The following UPP1 variants were observed in gnomAD, a reference collection of about 807,000 sequenced individuals.
The protein encoded by UPP1 is UPase 1.
In UPP1, 25 loss-of-function variants were observed where a neutral mutation model predicts 29.6. That is an observed-to-expected ratio of 0.85 (90% CI 0.62 to 1.18). UPP1 has a LOEUF of 1.18. UPP1 is among the 50% of genes most tolerant of loss of function. The pLI is 0.00. For missense variants in UPP1, 368 were observed against 410.4 expected (o/e 0.90, Z 0.89); for synonymous variants, 165 against 159.8 (o/e 1.03, Z -0.25).
intron 7 of UPP1, 62 bp downstream of exon 7, chr7:48,107,144 C>G (rs984438992): frequency 6.3e-7 from 1 of 1,579,312 alleles, no homozygotes; most frequent in African/African-American, 1.3e-5. Flanking sequence ...TCCCCTGAGC[C>G]TGCCTTCTCG....
intron 2 of UPP1, among the ~76,000 whole-genome samples, chr7:48,093,020 A>G (rs1014723403): frequency 6.6e-6 from 1 of 152,122 alleles, no homozygotes; most frequent in African/African-American, 2.4e-5. Flanking sequence ...TTCTAAAAAA[A>G]TGAAGAATAA....
Position 48,108,597 on chromosome 7 carries a change from A to G in UPP1, c.*240A>G, listed in dbSNP as rs1792901188. On this transcript the variant is annotated 3_prime_UTR_variant, in exon 9 of 9. Coordinates refer to ENST00000395564, the MANE Select transcript of UPP1 (RefSeq NM_003364.4). ...GGGGTTTCTTCAAGAACATTCTACC[A>G]AATTTTTGTACTATTTCTAGGGAAA... The G allele has an allele frequency of 2.5e-6, 1 of 392,912 alleles. No homozygotes were observed. The highest frequency in any genetic ancestry group is 2.1e-5 in the African/African-American group (1 of 48,528). The allele number at this position is 392,912 out of a possible 1,614,324, so 24.3% of individuals were successfully genotyped here.
chr7:48,101,799 G>T, intron 4 of UPP1, 25 bp from the exon 5 acceptor site: 1 of 1,610,490 alleles, frequency 6.2e-7, no homozygotes, highest in East Asian at 2.2e-5. Context: ...GTGCACTAAT[G>T]GGGGTCTCTC....
chr7:48,100,672 G>A (rs1792371589), intron 4 of UPP1, among the ~76,000 whole-genome samples: 1 of 152,108 alleles, frequency 6.6e-6, no homozygotes, highest in African/African-American at 2.4e-5. Flanking sequence ...ATACCAGGAC[G>A]CTAGAATCCA....
At position 48,106,883 on chromosome 7, in the gene UPP1, C is replaced by G. The variant is rs116051904; in HGVS notation, c.447C>G (p.Pro149=). 2.5e-6 allele frequency: 4 copies of G among 1,613,672 alleles called. No homozygotes were observed. In the South Asian group the frequency reaches 4.4e-5, roughly 18 times the overall value. Residue 149 remains proline (P), a synonymous_variant, in exon 7 of 9, where the codon CCC becomes CCG. Transcript: ENST00000395564. ...IGTSGGIGLE[P]GTVVITEQAV... ...TGCTTTTTTCCTCAGGTCTGGAGCCCGGCACTGTGGTCATAACAGAGCAGG... is the reference window on the plus strand; with the variant it reads ...TGCTTTTTTCCTCAGGTCTGGAGCCGGGCACTGTGGTCATAACAGAGCAGG...
chr7:48,103,202 G>C, intron 5 of UPP1, 95 bp from the exon 6 acceptor site: 1 of 861,044 alleles, frequency 1.2e-6, no homozygotes, highest in Admixed American at 1.9e-5. Flanking sequence ...ATGTCAATGG[G>C]CATGTTAGAT....
rs771189718 is a variant in UPP1 at position 48,108,313 on chromosome 7, C to T, written c.889C>T (p.Arg297Trp). ...CAGCGAGTACCAGCAGAGGCCGCAG[C>T]GGCTGGTGAGCTACTTCATCAAGAA... ...VLSEYQQRPQRLVSYFIKKKL... is the reference protein window; with the variant it reads ...VLSEYQQRPQWLVSYFIKKKL... The change falls in exon 9 of 9, where the codon CGG becomes TGG. Residue 297 changes from arginine to tryptophan, a missense_variant. Transcript: ENST00000395564. The T allele has an allele frequency of 6.1e-5, 99 of 1,613,976 alleles. No homozygotes were observed. Among genetic ancestry groups the T allele is most frequent in the East Asian group, 1.8e-4 (8 of 44,888 alleles).
At chr7:48,107,848 C>CT (rs1230816108) in intron 8 of UPP1, among the ~76,000 whole-genome samples, 1 of 152,232 alleles carries the variant, frequency 6.6e-6, no homozygotes, top group Admixed American at 6.5e-5. Flanking sequence ...CCTCAAGGTA[C>CT]TAGCCACCCT....
At chr7:48,100,384 A>G (rs1792358058) in intron 4 of UPP1, among the ~76,000 whole-genome samples, 1 of 152,240 alleles carries the variant, frequency 6.6e-6, no homozygotes, top group Admixed American at 6.5e-5. Flanking sequence ...TATAAAATAA[A>G]CTTCCTAATG....
chr7:48,101,802 G>C (rs752648401), intron 4 of UPP1, 22 bp from the exon 5 acceptor site: 7 of 1,610,846 alleles, frequency 4.3e-6, no homozygotes, highest in Middle Eastern at 1.7e-4. Context: ...CACTAATGGG[G>C]GTCTCTCTTC....
At chr7:48,089,929 C>T (rs1791731109) in intron 1 of UPP1, among the ~76,000 whole-genome samples, 1 of 152,210 alleles carries the variant, frequency 6.6e-6, no homozygotes. Flanking sequence ...GTTTTGTCCC[C>T]ACCGCCTTTT....
chr7:48,101,386 T>C (rs1241520741), intron 4 of UPP1, among the ~76,000 whole-genome samples: 1 of 152,198 alleles, frequency 6.6e-6, no homozygotes, highest in African/African-American at 2.4e-5. Context: ...CATTGGCTAT[T>C]TGGCACTCAA....
intron 2 of UPP1, among the ~76,000 whole-genome samples, chr7:48,091,072 G>A (rs1440221324): frequency 1.4e-4 from 21 of 151,966 alleles, no homozygotes; most frequent in Admixed American, 1.4e-3. Context: ...ATATATAACA[G>A]AAAATGAAAC....
chr7:48,090,434 GCAGTTTCCAGGCGCCTGGGTGACCTGT>G (rs1791763898), intron 2 of UPP1, 70 bp downstream of exon 2: 1 of 152,238 alleles, frequency 6.6e-6, no homozygotes, highest in African/African-American at 2.4e-5. Flanking sequence ...GGCCATAGAG[GCAGTTTCCAGGCGCCTGGGTGACCTGT>G]CTCTGCACTT....
intron 3 of UPP1, among the ~76,000 whole-genome samples, chr7:48,096,600 A>C (rs1792143317): frequency 6.6e-6 from 1 of 152,070 alleles, no homozygotes; most frequent in South Asian, 2.1e-4. Context: ...TGCTGGTCCT[A>C]AGCTATTTGG....
At chr7:48,104,704 A>C (rs1379162087) in intron 6 of UPP1, 2 of 152,210 alleles carry the variant, frequency 1.3e-5, no homozygotes, top group Non-Finnish European at 2.9e-5. Context: ...TGTAATTCCA[A>C]GTTTAGCGAA....
rs1482519672 is a variant in UPP1, at chr7:48,107,063, C to T, written c.627C>T (p.Cys209=). 2.5e-6 allele frequency: 4 copies of T among 1,612,112 alleles called. No homozygotes were observed. Among genetic ancestry groups the T allele is most frequent in the East Asian group, 2.2e-5 (1 of 44,878 alleles). The change falls in exon 7 of 9, where the codon TGC becomes TGT. Residue 209 remains cysteine (C), a synonymous_variant. Coordinates refer to ENST00000395564, the MANE Select transcript of UPP1 (RefSeq NM_003364.4). ...EFTTVVGNTM[C]TLDFYEGQGR... is the part of the protein sequence containing the mutation. ...CCACAGTGGTGGGGAACACCATGTG[C>T]ACCTTGGACTTCTATGAAGGTGAGG...
chr7:48,108,284 T>C lies in UPP1; in HGVS notation c.860T>C (p.Val287Ala). 6.2e-7 allele frequency: 1 copy of C among 1,614,146 alleles called. No homozygotes were observed. Among genetic ancestry groups the C allele is most frequent in the Non-Finnish European group, 8.5e-7 (1 of 1,180,034 alleles). Residue 287 changes from valine to alanine, a missense_variant, in exon 9 of 9, where the codon GTG (valine) becomes GCG (alanine). By Grantham distance (64) the Val-to-Ala change is moderately conservative. Coordinates refer to ENST00000395564, the MANE Select transcript of UPP1 (RefSeq NM_003364.4). ...EGDQISSPRN[V>A]LSEYQQRPQR... ...GACCAGATCAGCAGCCCTCGCAATGTGCTCAGCGAGTACCAGCAGAGGCCG... is the reference window on the plus strand; with the variant it reads ...GACCAGATCAGCAGCCCTCGCAATGCGCTCAGCGAGTACCAGCAGAGGCCG...
chr7:48,091,266 A>C (rs1473534027), intron 2 of UPP1, among the ~76,000 whole-genome samples: 1 of 148,782 alleles, frequency 6.7e-6, no homozygotes, highest in African/African-American at 2.5e-5. Flanking sequence ...AAAACTAAAA[A>C]AAAAAATCAA....
Sources: allele counts gnomAD v4.1 joint callset (sites outside exome capture counted in the v4.1 genomes callset), GRCh38; gene constraint gnomAD v4.1.1; transcripts MANE v1.5; gene names NCBI Gene and HGNC (gene_info 2026-07-23, HGNC 2026-07-21).